The following ADSS1 variants were observed in gnomAD, a reference collection of about 807,000 sequenced individuals.
ADSS1 encodes adenylosuccinate synthase 1, also known as adenylosuccinate synthetase isozyme 1.
A neutral mutation model predicts 59.1 loss-of-function variants in ADSS1; 57 were observed. The ratio of observed to expected loss-of-function variants is 0.97; its 90% CI spans 0.78 to 1.20. The LOEUF (loss-of-function observed/expected upper bound fraction) is 1.20. Among genes scored for constraint, ADSS1 ranks in the 50% most tolerant of loss-of-function variants. The probability of loss-of-function intolerance (pLI) is 0.00; values close to 1 mark genes in which losing one functional copy is unlikely to be tolerated. For missense variants in ADSS1, 603 were observed against 610.3 expected (o/e 0.99, Z 0.13); for synonymous variants, 247 against 249.4 (o/e 0.99, Z 0.09).
Position 104,740,869 on chromosome 14 carries a change from G to A in ADSS1, c.615G>A (p.Ser205=), listed in dbSNP as rs751967273. Residue 205 remains serine (S), a synonymous_variant, in exon 7 of 13, where the codon TCG becomes TCA. Coordinates refer to ENST00000330877, the MANE Select transcript of ADSS1 (RefSeq NM_152328.5). The surrounding 1 kb of genome is among the most constrained non-coding windows in gnomAD (Gnocchi z 4.8). ...RFKNLAHQHQ[S]MFPTLEIDIE... The stretch of plus-strand genomic sequence containing the variant: ...AGAACCTGGCCCACCAGCACCAGTC[G>A]ATGTTCCCCACCCTGGAAATAGACA... The A allele has an allele frequency of 1.9e-5, 30 of 1,613,936 alleles. No individual in the cohort carries two copies. Among genetic ancestry groups the A allele is most frequent in the Admixed American group, 6.7e-5 (4 of 60,012 alleles).
chr14:104,740,720 G>A lies in ADSS1; in HGVS notation c.584+12G>A, dbSNP rs201337652. 677 of 1,613,848 alleles carry A rather than the reference G, an allele frequency of 4.2e-4. 1 individual carries two copies. Among genetic ancestry groups the A allele is most frequent in the African/African-American group, 5.7e-4 (43 of 75,032 alleles). On this transcript the variant is annotated intron_variant, in intron 6 of 12. Transcript: ENST00000330877. The surrounding 1 kb of genome is among the most constrained non-coding windows in gnomAD (Gnocchi z 4.8). ...GAGTTTTCCTCCAGGTACCTGAGCC[G>A]TCTGCAGTCCCCGGGGAGGATGGGG...
rs769086716 is a variant in ADSS1, at chr14:104,730,032, T to A, written c.193-4988T>A. 4.4e-6 allele frequency: 7 copies of A among 1,584,250 alleles called. No homozygotes were observed. The Admixed American group carries it at 1.2e-4, about 28-fold the overall frequency. ...CTGCCTCCAAGGAGTCTCCAGTTAC[T>A]GAGTGGCCACTCCGTGCCAGCTCAG... On this transcript the variant is annotated intron_variant, in intron 1 of 12. Transcript: ENST00000330877.
At chr14:104,729,948 C>A (rs911951825) in intron 1 of ADSS1, 1 of 1,576,926 alleles carries the variant, frequency 6.3e-7, no homozygotes, top group East Asian at 2.4e-5. Context: ...GGGCAGAGGC[C>A]CACGAACCTG....
At chr14:104,730,304 G>A (rs1890876276) in intron 1 of ADSS1, 23 of 1,327,924 alleles carry the variant, frequency 1.7e-5, no homozygotes, top group Admixed American at 3.0e-5. Flanking sequence ...GACCAGCCTG[G>A]CCAAGTGAAA....
chr14:104,739,051 A>T (rs1336625789), intron 3 of ADSS1, among the ~76,000 whole-genome samples: 1 of 152,192 alleles, frequency 6.6e-6, no homozygotes, highest in Non-Finnish European at 1.5e-5. Context: ...CACTCACACC[A>T]GCTCTGGCTT....
intron 1 of ADSS1, chr14:104,730,163 C>T: frequency 1.3e-6 from 2 of 1,541,096 alleles, no homozygotes; most frequent in Non-Finnish European, 1.8e-6. Flanking sequence ...CCACACCTGC[C>T]TGCCCAGGAG....
At position 104,724,326 on chromosome 14, in the gene ADSS1, G is replaced by T; in HGVS notation, c.56G>T (p.Arg19Leu). Residue 19 changes from arginine to leucine, a missense_variant, in exon 1 of 13, where the codon CGG becomes CTG. Transcript: ENST00000330877. ...CCCCCCGGCGCAGGCGGCGTCAAGC[G>T]GGGGCGGCTGCAGCAGGAGGCGGCG... Reference protein sequence around the residue: ...DRPPGAGGVKRGRLQQEAAAT... With the variant: ...DRPPGAGGVKLGRLQQEAAAT... The T allele has an allele frequency of 8.1e-7, 1 of 1,239,194 alleles. No individual in the cohort carries two copies. The highest frequency in any genetic ancestry group is 1.0e-6 in the Non-Finnish European group (1 of 988,616). 76.8% of individuals were successfully genotyped at this position (1,239,194 alleles called of 1,614,324 possible).
chr14:104,728,909 G>A lies in ADSS1; in HGVS notation c.192+4447G>A, dbSNP rs181685687. Among the ~76,000 whole-genome samples the A allele has an allele frequency of 5.8e-4, 89 of 152,330 alleles. 1 individual carries two copies. The highest frequency in any genetic ancestry group is 2.1e-3 in the African/African-American group (87 of 41,568). On this transcript the variant is annotated intron_variant, in intron 1 of 12. Transcript: ENST00000330877. ...AGCCTGCATGAGAGCTGAACCAGGA[G>A]GTGGTATAGCATGGGCCTGGCACAG... is the stretch of plus-strand genomic sequence containing the variant.
Position 104,724,346 on chromosome 14 carries a change from G to A in ADSS1, c.76G>A (p.Ala26Thr), listed in dbSNP as rs1890656607. ...CAAGCGGGGGCGGCTGCAGCAGGAGGCGGCGGCGACCGGCTCCCGCGTGAC... is the reference window on the plus strand; with the variant it reads ...CAAGCGGGGGCGGCTGCAGCAGGAGACGGCGGCGACCGGCTCCCGCGTGAC... ...GVKRGRLQQE[A>T]AATGSRVTVV... The change falls in exon 1 of 13, where the codon GCG (alanine) becomes ACG (threonine). Residue 26 changes from alanine (A) to threonine (T), a missense_variant. Coordinates refer to ENST00000330877, the MANE Select transcript of ADSS1 (RefSeq NM_152328.5). The A allele has an allele frequency of 2.4e-6, 3 of 1,243,228 alleles. No individual in the cohort carries two copies. Among genetic ancestry groups the A allele is most frequent in the Non-Finnish European group, 3.0e-6 (3 of 989,454 alleles). 77.0% of individuals were successfully genotyped at this position (1,243,228 alleles called of 1,614,324 possible). A position where few individuals can be genotyped will look rare whatever the true frequency, so the allele number is the denominator to read the frequency against.
At chr14:104,729,083 C>T (rs77338147) in intron 1 of ADSS1, among the ~76,000 whole-genome samples, 4,489 of 152,148 alleles carry the variant, frequency 0.03, 233 homozygotes, top group African/African-American at 0.1. Context: ...GTAGGGCTGA[C>T]GATGGGGGCT....
chr14:104,734,713 G>A (rs1566796935), intron 1 of ADSS1, among the ~76,000 whole-genome samples: 1 of 152,322 alleles, frequency 6.6e-6, no homozygotes, highest in South Asian at 2.1e-4. Flanking sequence ...TGCATGAGAG[G>A]AGCGAGCTCC....
intron 9 of ADSS1, 52 bp from the exon 10 acceptor site, chr14:104,743,015 T>A: frequency 6.2e-7 from 1 of 1,605,466 alleles, no homozygotes; most frequent in South Asian, 1.1e-5. Flanking sequence ...AGGGCCAGGC[T>A]GCACAAGGCT....
intron 3 of ADSS1, 123 bp downstream of exon 3, chr14:104,738,561 G>C: frequency 3.7e-6 from 4 of 1,094,946 alleles, no homozygotes; most frequent in South Asian, 2.9e-5. Flanking sequence ...TCCCAACATA[G>C]CTGGCCCAGC....
intron 1 of ADSS1, chr14:104,730,050 C>T: frequency 1.9e-6 from 3 of 1,571,386 alleles, no homozygotes; most frequent in Non-Finnish European, 2.6e-6. Context: ...CACTCCGTGC[C>T]AGCTCAGCCC....
intron 12 of ADSS1, 159 bp from the exon 13 acceptor site, chr14:104,746,790 TGC>T (rs1891577562): frequency 1.4e-6 from 1 of 713,968 alleles, no homozygotes; most frequent in Non-Finnish European, 2.3e-6. Context: ...TCCCCCAACA[TGC>T]ACTACCTTCA....
intron 11 of ADSS1, 172 bp from the exon 12 acceptor site, chr14:104,746,064 C>A (rs1891543831): frequency 1.3e-6 from 1 of 771,750 alleles, no homozygotes; most frequent in Non-Finnish European, 2.0e-6. Context: ...CCCCTGCTTA[C>A]CACCCAACAC....
intron 11 of ADSS1, chr14:104,745,111 GGGCAGGGGT>G (rs1256008948): frequency 5.5e-6 from 3 of 544,712 alleles, no homozygotes; most frequent in Non-Finnish European, 9.9e-6. Flanking sequence ...AGGCCTGGCT[GGGCAGGGGT>G]GGCTGTAGGC....
chr14:104,735,021 G>A lies in ADSS1; in HGVS notation c.194G>A (p.Gly65Glu), dbSNP rs1289271542. The A allele has an allele frequency of 2.5e-6, 4 of 1,612,554 alleles. No individual in the cohort carries two copies. The African/African-American group carries it at 4.0e-5, about 16-fold the overall frequency. Residue 65 changes from glycine (G) to glutamate (E), a missense_variant and splice_region_variant, in exon 2 of 13, where the codon GGG becomes GAG. Gly to Glu is a moderately conservative substitution (Grantham distance 98). Transcript: ENST00000330877. Reference protein sequence around the residue: ...TDADIISRCQGGNNAGHTVVV... With the variant: ...TDADIISRCQEGNNAGHTVVV... ...AGCTCAGCCGGGTTTCTGTTCCAGG[G>A]GGGCAACAACGCCGGCCACACGGTG... is the stretch of plus-strand genomic sequence containing the variant.
chr14:104,739,916 C>A, intron 5 of ADSS1, 100 bp downstream of exon 5: 1 of 1,280,558 alleles, frequency 7.8e-7, no homozygotes, highest in Non-Finnish European at 1.1e-6. Flanking sequence ...GAGGAGGGTA[C>A]CTCAACCCAC....
Sources: gnomAD v4.1 joint callset for allele counts (sites outside exome capture counted in the v4.1 genomes callset) on GRCh38, gnomAD v4.1.1 for gene constraint, Gnocchi (gnomAD v3.1) non-coding constraint, MANE v1.5 for transcripts, NCBI Gene and HGNC (gene_info 2026-07-23, HGNC 2026-07-21) for gene names.